SLC26A3: variants seen among roughly 807,000 people sequenced by gnomAD.
The protein encoded by SLC26A3 is solute carrier family 26 member 3, also known as chloride anion exchanger.
In SLC26A3, 64 loss-of-function variants were observed where a neutral mutation model predicts 85.6. That is an observed-to-expected ratio of 0.75 (90% CI 0.61 to 0.92). The LOEUF is 0.92. SLC26A3 is among the 40% of genes least tolerant of loss of function. The pLI, the probability that SLC26A3 is intolerant of heterozygous loss-of-function variation, is 0.00. For synonymous variants in SLC26A3, 349 were observed against 336.0 expected (o/e 1.04, Z -0.42); for missense variants, 922 against 927.3 (o/e 0.99, Z 0.07).
chr7:107,786,911 T>C lies in SLC26A3; in HGVS notation c.889-2A>G. The C allele has an allele frequency of 6.2e-7, 1 of 1,613,352 alleles. No homozygotes were observed. The highest frequency in any genetic ancestry group is 1.3e-5 in the African/African-American group (1 of 75,040). On this transcript the variant is annotated splice_acceptor_variant, in intron 7 of 20. Transcript: ENST00000340010. LOFTEE classifies it high-confidence loss of function. ...GGATACACCTGCTGCAATCACGGTC[T>C]GCAAAGTTGCAAATGGCCCAAGTTA...
At chr7:107,792,056 C>A in intron 3 of SLC26A3, 116 bp from the exon 4 acceptor site, 1 of 677,016 alleles carries the variant, frequency 1.5e-6, no homozygotes, top group Non-Finnish European at 2.7e-6. Flanking sequence ...CTCATTAATT[C>A]AAAATGTATT....
Position 107,788,599 on chromosome 7 carries a change from T to A in SLC26A3, c.735+925A>T, listed in dbSNP as rs76132903. Among the ~76,000 whole-genome samples, 678 of 152,136 alleles carry A rather than the reference T, an allele frequency of 4.5e-3. 8 individuals carry two copies. The highest frequency in any genetic ancestry group is 0.015 in the African/African-American group (636 of 41,548). ...ACTTGGGACAAAATGGTAAAGCTTT[T>A]AAAACATAGACTTTTTTTTTCCTTT... is the stretch of plus-strand genomic sequence containing the variant. On this transcript the variant is annotated intron_variant, in intron 6 of 20. Transcript: ENST00000340010.
At chr7:107,776,815 A>T in intron 13 of SLC26A3, 109 bp from the exon 14 acceptor site, 1 of 991,684 alleles carries the variant, frequency 1.0e-6, no homozygotes, top group Non-Finnish European at 1.6e-6. Flanking sequence ...TTCAAAATGT[A>T]AAAGGTTGGG....
At chr7:107,796,296 G>A (rs1450054271) in intron 1 of SLC26A3, among the ~76,000 whole-genome samples, 1 of 151,934 alleles carries the variant, frequency 6.6e-6, no homozygotes, top group African/African-American at 2.4e-5. Context: ...GTAGAGGCAG[G>A]GATCTTTCAT....
In SLC26A3 at chr7:107,797,764, G is replaced by A. The variant is rs898555969; in HGVS notation, c.-88-3167C>T. On this transcript the variant is annotated intron_variant, in intron 1 of 20. Transcript: ENST00000340010. The stretch of plus-strand genomic sequence containing the variant: ...CCTTTTTTTTTTGAGACGGAGTCTT[G>A]CTCTGTCGCCCAGGCTGGAGTGTAG... Among the ~76,000 whole-genome samples, 6 of 92,298 alleles carry A rather than the reference G, an allele frequency of 6.5e-5. No individual in the cohort carries two copies. The East Asian group carries it at 7.9e-4, about 12-fold the overall frequency. The allele number at this position is 92,298 out of a possible 152,430, so 60.6% of individuals were successfully genotyped here.
At chr7:107,771,185 C>T (rs948617292) in intron 18 of SLC26A3, among the ~76,000 whole-genome samples, 3 of 152,088 alleles carry the variant, frequency 2.0e-5, no homozygotes, top group African/African-American at 7.2e-5. Flanking sequence ...GGGTTTCTAT[C>T]TGGAAAACTA....
At position 107,765,833 on chromosome 7, in the gene SLC26A3, A is replaced by T. The variant is rs1000646280; in HGVS notation, c.*22T>A. The T allele has an allele frequency of 6.3e-7, 1 of 1,584,850 alleles. No individual in the cohort carries two copies. The highest frequency in any genetic ancestry group is 8.7e-7 in the Non-Finnish European group (1 of 1,153,870). On this transcript the variant is annotated 3_prime_UTR_variant, in exon 21 of 21. Coordinates refer to ENST00000340010, the MANE Select transcript of SLC26A3 (RefSeq NM_000111.3). ...GTTTTTATGTCATAGTCAGATGAAG[A>T]TCCTTCTGAATTATATGTTGATTAG...
intron 17 of SLC26A3, among the ~76,000 whole-genome samples, chr7:107,772,932 C>T (rs141985257): frequency 8.2e-4 from 125 of 152,268 alleles, no homozygotes; most frequent in African/African-American, 2.4e-3. Flanking sequence ...ATCCAGTTCA[C>T]CCATGCTGAA....
intron 6 of SLC26A3, among the ~76,000 whole-genome samples, chr7:107,788,150 AAG>A (rs1794329189): frequency 6.6e-6 from 1 of 152,168 alleles, no homozygotes; most frequent in Non-Finnish European, 1.5e-5. Flanking sequence ...CTCTGGATGA[AAG>A]AGAGTGTTGG....
chr7:107,766,941 A>T (rs959345060), intron 20 of SLC26A3, among the ~76,000 whole-genome samples: 12 of 151,950 alleles, frequency 7.9e-5, no homozygotes, highest in African/African-American at 2.7e-4. Flanking sequence ...AAGGATTGAG[A>T]TAATGAATGT....
In SLC26A3 at chr7:107,772,113, TAAAAAG is replaced by T; in HGVS notation, c.2008-11_2008-6del. The T allele has an allele frequency of 6.3e-7, 1 of 1,582,474 alleles. No individual in the cohort carries two copies. The highest frequency in any genetic ancestry group is 1.3e-5 in the African/African-American group (1 of 74,426). ...CCTGATAAATTCTTGCAAAATCTGT[TAAAAAG>T]AAAAGTATATCTTCCTTAGGGAACA... is the stretch of plus-strand genomic sequence containing the variant. On this transcript the variant is annotated splice_region_variant and splice_polypyrimidine_tract_variant and intron_variant, in intron 17 of 20. Coordinates refer to ENST00000340010, the MANE Select transcript of SLC26A3 (RefSeq NM_000111.3).
intron 11 of SLC26A3, among the ~76,000 whole-genome samples, chr7:107,781,442 G>A (rs1340823172): frequency 2.6e-5 from 4 of 152,150 alleles, no homozygotes; most frequent in Non-Finnish European, 5.9e-5. Flanking sequence ...TCTTGGACAA[G>A]ATTTGGTAAT....
chr7:107,791,387 G>A (rs1419188685), intron 4 of SLC26A3, 152 bp from the exon 5 acceptor site: 1 of 802,918 alleles, frequency 1.2e-6, no homozygotes, highest in Non-Finnish European at 2.1e-6. Flanking sequence ...CGAGGCGGGT[G>A]GATCACCTGA....
chr7:107,794,670 C>T (rs1794466602), intron 1 of SLC26A3, 73 bp from the exon 2 acceptor site: 7 of 743,510 alleles, frequency 9.4e-6, no homozygotes, highest in East Asian at 2.7e-5. Context: ...GAGTGAGCTC[C>T]GAACTGAATG....
chr7:107,785,052 C>T (rs1408311327), intron 8 of SLC26A3, among the ~76,000 whole-genome samples: 2 of 152,038 alleles, frequency 1.3e-5, no homozygotes, highest in Non-Finnish European at 2.9e-5. Context: ...ACTCAATCAT[C>T]ACCCAGAAAA....
chr7:107,769,839 G>A (rs987207636), intron 18 of SLC26A3, among the ~76,000 whole-genome samples: 3 of 152,024 alleles, frequency 2.0e-5, no homozygotes, highest in African/African-American at 7.2e-5. Flanking sequence ...AAGGATATGT[G>A]TACCACTTGT....
chr7:107,802,061 C>T (rs6942711), intron 1 of SLC26A3, among the ~76,000 whole-genome samples: 10,399 of 148,306 alleles, frequency 0.07, 539 homozygotes, highest in African/African-American at 0.15. Flanking sequence ...CACTGCACTC[C>T]AGCCTGGGCG....
At chr7:107,796,602 G>A (rs548745815) in intron 1 of SLC26A3, among the ~76,000 whole-genome samples, 2 of 152,276 alleles carry the variant, frequency 1.3e-5, no homozygotes, top group East Asian at 3.9e-4. Flanking sequence ...GCATTGCTGT[G>A]CAGAGCATGG....
rs1018933248 is a variant in SLC26A3 at position 107,774,854 on chromosome 7, G to A, written c.1696C>T (p.Arg566Ter). ...LIDAVGFSPL[R>*]ILRKRNKALR... The stretch of plus-strand genomic sequence containing the variant: ...GCTTTGTTGCGCTTGCGTAGAATTC[G>A]AAGTGGACTAAAGCCAACCTGAGAA... The change falls in exon 16 of 21, where the codon CGA (arginine) becomes TGA (stop). Residue 566 changes from arginine (R) to a stop codon, truncating the protein, a stop_gained. Coordinates refer to ENST00000340010, the MANE Select transcript of SLC26A3 (RefSeq NM_000111.3). LOFTEE classifies it high-confidence loss of function. 6.8e-6 allele frequency: 11 copies of A among 1,613,926 alleles called. No individual in the cohort carries two copies. The highest frequency in any genetic ancestry group is 4.5e-5 in the East Asian group (2 of 44,880).
Sources: allele counts gnomAD v4.1 joint callset (sites outside exome capture counted in the v4.1 genomes callset), GRCh38; gene constraint gnomAD v4.1.1; transcripts MANE v1.5; gene names NCBI Gene and HGNC (gene_info 2026-07-23, HGNC 2026-07-21).